The following THUMPD2 variants were observed in gnomAD, a reference collection of about 807,000 sequenced individuals.
THUMPD2 encodes THUMP domain 2 tRNA and snRNA guanosine methyltransferase.
THUMPD2 carries 56 observed loss-of-function variants against 49.4 expected under a neutral mutation model. The observed-to-expected ratio is 1.13, with a 90% CI of 0.91 to 1.41. THUMPD2 has a LOEUF of 1.41. Among genes scored for constraint, THUMPD2 ranks in the 40% most tolerant of loss-of-function variants. THUMPD2 has a pLI of 0.00. For missense variants in THUMPD2, 709 were observed against 594.5 expected, an observed-to-expected ratio of 1.19 and a Z score of -2.00; for synonymous variants, 237 against 205.2, an observed-to-expected ratio of 1.15 and a Z score of -1.32.
intron 1 of THUMPD2, among the ~76,000 whole-genome samples, chr2:39,774,554 A>C (rs370095222): frequency 6.6e-6 from 1 of 152,212 alleles, no homozygotes; most frequent in African/African-American, 2.4e-5. Context: ...TCACTGTGAG[A>C]ATCAAATAAT....
At chr2:39,764,953 G>A (rs989493931) in intron 5 of THUMPD2, among the ~76,000 whole-genome samples, 16 of 152,020 alleles carry the variant, frequency 1.1e-4, no homozygotes, top group Admixed American at 2.6e-4. Context: ...ATGGCATGAC[G>A]TCTTGAATGT....
intron 8 of THUMPD2, among the ~76,000 whole-genome samples, chr2:39,752,878 G>A (rs1675599950): frequency 6.6e-6 from 1 of 152,144 alleles, no homozygotes; most frequent in African/African-American, 2.4e-5. Context: ...CCGGTTTGGT[G>A]TGACCTGTTT....
chr2:39,761,398 G>C lies in THUMPD2; in HGVS notation c.824C>G (p.Ala275Gly). ...PVFRVSLASRAYIKTAGLRST... is the reference protein window; with the variant it reads ...PVFRVSLASRGYIKTAGLRST... ...TCGCAGTCCAGCTGTCTTGATGTAA[G>C]CTCTGCTGGCTAGGGAAACCCTACA... Residue 275 changes from alanine (A) to glycine (G), a missense_variant, in exon 6 of 10, where the codon GCT (alanine) becomes GGT (glycine). Physicochemically the swap from Ala to Gly is moderately conservative, Grantham distance 60. Transcript: ENST00000505747. 6.2e-7 allele frequency: 1 copy of C among 1,613,688 alleles called. No homozygotes were observed. The highest frequency in any genetic ancestry group is 1.1e-5 in the South Asian group (1 of 91,060).
intron 8 of THUMPD2, among the ~76,000 whole-genome samples, chr2:39,752,868 C>A (rs2148244104): frequency 6.6e-6 from 1 of 152,254 alleles, no homozygotes; most frequent in East Asian, 1.9e-4. Flanking sequence ...ATGTCCACTA[C>A]CGGTTTGGTG....
chr2:39,746,057 A>C (rs1452790109), intron 8 of THUMPD2, among the ~76,000 whole-genome samples: 1 of 152,234 alleles, frequency 6.6e-6, no homozygotes, highest in East Asian at 1.9e-4. Context: ...TATGGAAGAC[A>C]TTTAGAACAC....
intron 2 of THUMPD2, among the ~76,000 whole-genome samples, chr2:39,770,899 C>T (rs377190572): frequency 3.8e-4 from 58 of 152,148 alleles, no homozygotes; most frequent in African/African-American, 1.2e-3. Flanking sequence ...TTGAAGTTTA[C>T]GGCAGCATTT....
chr2:39,745,760 A>G (rs1201152578), intron 8 of THUMPD2, among the ~76,000 whole-genome samples: 1 of 152,220 alleles, frequency 6.6e-6, no homozygotes, highest in Non-Finnish European at 1.5e-5. Context: ...AATATGCTAA[A>G]GTGCTTTAAA....
chr2:39,762,472 G>GT (rs1676943969), intron 5 of THUMPD2, among the ~76,000 whole-genome samples: 1 of 152,008 alleles, frequency 6.6e-6, no homozygotes, highest in Non-Finnish European at 1.5e-5. Context: ...ATAAAACAGT[G>GT]TAATTGTATA....
intron 2 of THUMPD2, among the ~76,000 whole-genome samples, chr2:39,771,168 G>A (rs1035838716): frequency 6.6e-6 from 1 of 152,068 alleles, no homozygotes; most frequent in Non-Finnish European, 1.5e-5. Context: ...ACTATTAAAA[G>A]AATGCATTTT....
chr2:39,769,646 G>C (rs1678044887), intron 3 of THUMPD2, 64 bp downstream of exon 3: 1 of 1,437,016 alleles, frequency 7.0e-7, no homozygotes, highest in African/African-American at 1.5e-5. Flanking sequence ...AGGTTGCAGT[G>C]AGCCAGATTG....
Position 39,755,465 on chromosome 2 carries a change from TTA to T in THUMPD2, c.964-58_964-57del, listed in dbSNP as rs1675978005. On this transcript the variant is annotated intron_variant, in intron 7 of 9. Transcript: ENST00000505747. ...TAAAATTATTACATATTTCATGTAGTTAAGAAAATCGACTTGCATTTTCTCAA... is the reference window on the plus strand; with the variant it reads ...TAAAATTATTACATATTTCATGTAGTAGAAAATCGACTTGCATTTTCTCAA... 4 of 1,208,966 alleles carry T rather than the reference TTA, an allele frequency of 3.3e-6. No individual in the cohort carries two copies. The South Asian group carries it at 6.0e-5, about 18-fold the overall frequency. The allele number at this position is 1,208,966 out of a possible 1,614,324, so 74.9% of individuals were successfully genotyped here.
At chr2:39,742,250 T>A (rs1054288264) in intron 9 of THUMPD2, among the ~76,000 whole-genome samples, 33 of 152,210 alleles carry the variant, frequency 2.2e-4, no homozygotes, top group African/African-American at 7.7e-4. Context: ...CAAGGAAGCT[T>A]GGTCACAGAA....
At chr2:39,757,462 G>A in intron 6 of THUMPD2, 1 of 1,257,350 alleles carries the variant, frequency 8.0e-7, no homozygotes, top group South Asian at 1.3e-5. Context: ...CCCATGAAGG[G>A]GCAGTAAGGA....
chr2:39,763,922 C>G (rs961746550), intron 5 of THUMPD2, among the ~76,000 whole-genome samples: 1 of 152,102 alleles, frequency 6.6e-6, no homozygotes, highest in Non-Finnish European at 1.5e-5. Flanking sequence ...TGGCTTGTTT[C>G]TAATTTTCTA....
chr2:39,739,961 TAAG>T (rs755081545), intron 9 of THUMPD2, among the ~76,000 whole-genome samples: 6 of 152,162 alleles, frequency 3.9e-5, no homozygotes, highest in African/African-American at 7.2e-5. Flanking sequence ...GAAATTATCC[TAAG>T]AAGATGTAAT....
intron 6 of THUMPD2, 31 bp downstream of exon 6, chr2:39,761,300 C>G (rs369266584): frequency 1.3e-6 from 2 of 1,585,350 alleles, no homozygotes; most frequent in Admixed American, 1.7e-5. Flanking sequence ...AAGAACCTTG[C>G]TATTAACAGG....
chr2:39,769,292 A>G (rs1677978716), intron 3 of THUMPD2: 1 of 284,898 alleles, frequency 3.5e-6, no homozygotes, highest in African/African-American at 2.2e-5. Context: ...TTAAAAGGAA[A>G]ATGTAGTTTT....
chr2:39,740,153 G>A (rs1673709401), intron 9 of THUMPD2, among the ~76,000 whole-genome samples: 1 of 152,158 alleles, frequency 6.6e-6, no homozygotes, highest in African/African-American at 2.4e-5. Flanking sequence ...CTGTGATACT[G>A]TGACTGTGGT....
intron 1 of THUMPD2, among the ~76,000 whole-genome samples, chr2:39,775,625 A>C (rs1210532915): frequency 6.6e-6 from 1 of 151,852 alleles, no homozygotes; most frequent in Admixed American, 6.6e-5. Flanking sequence ...AGATACAAAA[A>C]TTAGCTGGGC....
Sources: gnomAD v4.1 joint callset for allele counts (sites outside exome capture counted in the v4.1 genomes callset) on GRCh38, gnomAD v4.1.1 for gene constraint, MANE v1.5 for transcripts, NCBI Gene and HGNC (gene_info 2026-07-23, HGNC 2026-07-21) for gene names.